The following EML6 variants were observed in gnomAD, a reference collection of about 807,000 sequenced individuals.
EML6 encodes echinoderm microtubule-associated protein-like 6.
In EML6, 154 loss-of-function variants were observed where a neutral mutation model predicts 240.1. The observed-to-expected ratio is 0.64, with a 90% CI of 0.56 to 0.73. The LOEUF (loss-of-function observed/expected upper bound fraction) is 0.73. EML6 is among the 30% of genes least tolerant of loss of function. The pLI is 0.00. For synonymous variants in EML6, 1,148 were observed against 899.0 expected, an observed-to-expected ratio of 1.28 and a Z score of -4.95; for missense variants, 2,964 against 2,474.6, an observed-to-expected ratio of 1.20 and a Z score of -4.20.
At chr2:54,749,518 T>G (rs1466362174) in intron 2 of EML6, among the ~76,000 whole-genome samples, 4 of 152,100 alleles carry the variant, frequency 2.6e-5, no homozygotes, top group African/African-American at 9.7e-5. Flanking sequence ...AACCAACATT[T>G]TATAATGTGT....
chr2:54,798,474 T>C (rs1366975063), intron 2 of EML6, among the ~76,000 whole-genome samples: 3 of 152,094 alleles, frequency 2.0e-5, no homozygotes, highest in African/African-American at 7.2e-5. Flanking sequence ...CACCCGGCCA[T>C]TTTATAGTTT....
chr2:54,876,660 A>G (rs961984849), intron 16 of EML6, among the ~76,000 whole-genome samples: 1 of 152,240 alleles, frequency 6.6e-6, no homozygotes, highest in African/African-American at 2.4e-5. Context: ...GACATTGAAT[A>G]TTTGTACAGT....
intron 2 of EML6, among the ~76,000 whole-genome samples, chr2:54,730,728 CTTA>C (rs1322675901): frequency 2.0e-5 from 3 of 152,162 alleles, no homozygotes; most frequent in Admixed American, 1.3e-4. Context: ...TATTGCTCTT[CTTA>C]TTAATAAATT....
At chr2:54,836,145 C>T (rs1669129646) in intron 7 of EML6, among the ~76,000 whole-genome samples, 1 of 152,148 alleles carries the variant, frequency 6.6e-6, no homozygotes, top group African/African-American at 2.4e-5. Flanking sequence ...GACAGATTTG[C>T]AGCCAGGAGA....
At chr2:54,869,119 C>A in intron 14 of EML6, 62 bp from the exon 15 acceptor site, 1 of 1,175,480 alleles carries the variant, frequency 8.5e-7, no homozygotes, top group Non-Finnish European at 1.2e-6. Context: ...CCTCTGACAC[C>A]TCCTGCTCCA....
At chr2:54,951,953 G>C (rs62134810) in intron 30 of EML6, among the ~76,000 whole-genome samples, 3,407 of 152,226 alleles carry the variant, frequency 0.022, 41 homozygotes, top group Middle Eastern at 0.071. Context: ...CATTTGGGTG[G>C]GTTTAAAGTG....
Position 54,832,487 on chromosome 2 carries a change from G to A in EML6, c.847+3010G>A, listed in dbSNP as rs576914494. ...CAGCCTCTCCAAGGCAAGTGGAGGT[G>A]TGCCCCAAATCCAAAGTGAGGTAGA... On this transcript the variant is annotated intron_variant, in intron 7 of 41. Transcript: ENST00000356458. Among the ~76,000 whole-genome samples, 18 of 152,318 alleles carry A rather than the reference G, an allele frequency of 1.2e-4. No homozygotes were observed. In the East Asian group the frequency reaches 3.3e-3, roughly 28 times the overall value.
At chr2:54,851,674 C>T (rs762415859) in intron 10 of EML6, among the ~76,000 whole-genome samples, 1 of 152,118 alleles carries the variant, frequency 6.6e-6, no homozygotes, top group Non-Finnish European at 1.5e-5. Context: ...GTTCATTATC[C>T]AAGTCTTTTG....
chr2:54,789,105 A>C (rs1426895573), intron 2 of EML6, among the ~76,000 whole-genome samples: 1 of 152,190 alleles, frequency 6.6e-6, no homozygotes, highest in Admixed American at 6.5e-5. Flanking sequence ...TTCCTTCAGC[A>C]CTTTGGTTTT....
intron 2 of EML6, among the ~76,000 whole-genome samples, chr2:54,734,958 C>T (rs1288502142): frequency 6.6e-6 from 1 of 152,208 alleles, no homozygotes; most frequent in Non-Finnish European, 1.5e-5. Context: ...TCTCTTCCAG[C>T]CTGATGTCCC....
chr2:54,794,581 G>A (rs1404093738), intron 2 of EML6, among the ~76,000 whole-genome samples: 1 of 152,056 alleles, frequency 6.6e-6, no homozygotes. Context: ...CCCCCTAAAG[G>A]ATCCTGTCTG....
chr2:54,909,544 C>G (rs762969123), intron 24 of EML6, among the ~76,000 whole-genome samples: 3 of 152,144 alleles, frequency 2.0e-5, no homozygotes, highest in Non-Finnish European at 2.9e-5. Context: ...TCTACAACTT[C>G]TTAAGATTAG....
intron 17 of EML6, among the ~76,000 whole-genome samples, chr2:54,886,654 A>T (rs962902960): frequency 1.3e-5 from 2 of 152,188 alleles, no homozygotes; most frequent in African/African-American, 4.8e-5. Flanking sequence ...CATCAGTGTG[A>T]AGTGGTATCT....
intron 2 of EML6, among the ~76,000 whole-genome samples, chr2:54,750,748 G>A (rs1684124878): frequency 6.6e-6 from 1 of 152,130 alleles, no homozygotes. Context: ...AGGAAACAGG[G>A]AGCTTTCCTA....
At chr2:54,859,412 G>A (rs1573016232) in intron 11 of EML6, 122 bp from the exon 12 acceptor site, 34 of 740,652 alleles carry the variant, frequency 4.6e-5, no homozygotes, top group Non-Finnish European at 6.8e-5. Context: ...TATGTAAGAC[G>A]GAACATCGTT....
At chr2:54,845,475 T>C (rs938262183) in intron 8 of EML6, among the ~76,000 whole-genome samples, 8 of 152,254 alleles carry the variant, frequency 5.3e-5, no homozygotes, top group Non-Finnish European at 4.4e-5. Flanking sequence ...CAGAATCTTA[T>C]TCCCTTTAAC....
intron 7 of EML6, among the ~76,000 whole-genome samples, chr2:54,833,524 C>A (rs189124535): frequency 3.3e-5 from 5 of 152,198 alleles, no homozygotes; most frequent in African/African-American, 1.2e-4. Context: ...AACAATTAAC[C>A]CCACTTTAGG....
At chr2:54,830,149 T>C (rs1294221437) in intron 7 of EML6, among the ~76,000 whole-genome samples, 1 of 152,220 alleles carries the variant, frequency 6.6e-6, no homozygotes, top group Non-Finnish European at 1.5e-5. Flanking sequence ...TATATCAGAA[T>C]ACAATACATC....
chr2:54,957,371 AAGCTCTCT>A (rs1265257939), intron 32 of EML6, among the ~76,000 whole-genome samples: 51 of 150,480 alleles, frequency 3.4e-4, no homozygotes, highest in Admixed American at 4.0e-4. Flanking sequence ...AAAAAAAAAA[AAGCTCTCT>A]AGAGGAATGT....
Sources: allele counts gnomAD v4.1 joint callset (sites outside exome capture counted in the v4.1 genomes callset), GRCh38; gene constraint gnomAD v4.1.1; transcripts MANE v1.5; gene names NCBI Gene and HGNC (gene_info 2026-07-23, HGNC 2026-07-21).